Variants in SNX29 observed in about 807,000 individuals in gnomAD.
SNX29 encodes the protein sorting nexin-29.
A neutral mutation model predicts 102.1 loss-of-function variants in SNX29; 78 were observed. That is an observed-to-expected ratio of 0.76 (90% CI 0.64 to 0.92). The LOEUF (loss-of-function observed/expected upper bound fraction) is 0.92. SNX29 is among the 40% of genes least tolerant of loss of function. The pLI is 0.00. For missense variants in SNX29, 1,280 were observed against 1,061.7 expected (o/e 1.21, Z -2.86); for synonymous variants, 580 against 414.5 (o/e 1.40, Z -4.85).
chr16:12,487,433 C>G (rs2088301649), intron 19 of SNX29, among the ~76,000 whole-genome samples: 1 of 152,176 alleles, frequency 6.6e-6, no homozygotes, highest in Admixed American at 6.5e-5. Context: ...TATCAGGCTC[C>G]ATATAAAGTG....
chr16:12,019,975 A>G (rs2151089957), intron 3 of SNX29, among the ~76,000 whole-genome samples: 1 of 152,260 alleles, frequency 6.6e-6, no homozygotes, highest in Non-Finnish European at 1.5e-5. Context: ...ACCATACTTA[A>G]CATACAGTTA....
intron 20 of SNX29, among the ~76,000 whole-genome samples, chr16:12,566,224 G>C (rs138930618): frequency 6.6e-6 from 1 of 152,196 alleles, no homozygotes; most frequent in African/African-American, 2.4e-5. Context: ...GCTTATGGTT[G>C]TCATCCCCAA....
intron 11 of SNX29, among the ~76,000 whole-genome samples, chr16:12,080,121 A>C (rs1443431939): frequency 6.6e-6 from 1 of 152,070 alleles, no homozygotes; most frequent in African/African-American, 2.4e-5. Flanking sequence ...AGCTCCCCCG[A>C]CCTTCACTAG....
In SNX29 at chr16:12,133,316, T is replaced by C. The variant is rs2054542455; in HGVS notation, c.1595+3558T>C. On this transcript the variant is annotated intron_variant, in intron 13 of 20. Coordinates refer to ENST00000566228, the MANE Select transcript of SNX29 (RefSeq NM_032167.5). ...TTTTTTTTTTTTTTTTTTAAGATAG[T>C]ATCTCACTCTGTCACCCAGGCTGGA... is the stretch of plus-strand genomic sequence containing the variant. 1.5e-5 allele frequency among the ~76,000 whole-genome samples: 2 copies of C among 129,216 alleles called. 1 individual carries two copies. Among genetic ancestry groups the C allele is most frequent in the South Asian group, 5.4e-4 (2 of 3,702 alleles). The allele number at this position is 129,216 out of a possible 152,430, so 84.8% of individuals were successfully genotyped here. A position where few individuals can be genotyped will look rare whatever the true frequency, so the allele number is the denominator to read the frequency against.
In SNX29 at chr16:12,568,595, C is replaced by T. The variant is rs777850254; in HGVS notation, c.2408C>T (p.Thr803Ile). The T allele has an allele frequency of 1.8e-5, 29 of 1,606,072 alleles. No individual in the cohort carries two copies. The highest frequency in any genetic ancestry group is 2.4e-5 in the Non-Finnish European group (28 of 1,179,828). ...CTGTCCCGGGGTCAGCCCCGGGAGA[C>T]CCGCAACGTGGAGCCCCAGAGCGGT... Reference protein sequence around the residue: ...PKLSRGQPRETRNVEPQSGDL With the variant: ...PKLSRGQPREIRNVEPQSGDL The change falls in exon 21 of 21, where the codon ACC (threonine) becomes ATC (isoleucine). Residue 803 changes from threonine to isoleucine, a missense_variant. Coordinates refer to ENST00000566228, the MANE Select transcript of SNX29 (RefSeq NM_032167.5).
At chr16:12,502,805 A>G (rs1313751681) in intron 19 of SNX29, among the ~76,000 whole-genome samples, 2 of 152,256 alleles carry the variant, frequency 1.3e-5, no homozygotes, top group East Asian at 1.9e-4. Flanking sequence ...AATCACAGGT[A>G]TTTTCGTATC....
intron 11 of SNX29, among the ~76,000 whole-genome samples, chr16:12,106,389 T>A (rs2053241233): frequency 6.6e-6 from 1 of 152,150 alleles, no homozygotes; most frequent in Non-Finnish European, 1.5e-5. Context: ...ACATTTCAGA[T>A]GTTGCCCTTG....
At chr16:12,387,779 C>G (rs1411544264) in intron 16 of SNX29, among the ~76,000 whole-genome samples, 1 of 152,020 alleles carries the variant, frequency 6.6e-6, no homozygotes, top group Non-Finnish European at 1.5e-5. Context: ...CCTTGGTAGC[C>G]AAAACTAATC....
intron 10 of SNX29, among the ~76,000 whole-genome samples, chr16:12,072,909 T>G (rs1039779041): frequency 1.3e-5 from 2 of 152,136 alleles, no homozygotes; most frequent in Non-Finnish European, 1.5e-5. Context: ...GAGTGTATGT[T>G]TCGAGGAATT....
intron 4 of SNX29, among the ~76,000 whole-genome samples, chr16:12,040,899 C>T (rs1313519527): frequency 2.6e-5 from 4 of 152,148 alleles, no homozygotes; most frequent in South Asian, 2.1e-4. Flanking sequence ...CTGCAACCTC[C>T]GTCTCCTGGG....
At chr16:12,267,463 G>T (rs937126350) in intron 14 of SNX29, among the ~76,000 whole-genome samples, 1 of 152,144 alleles carries the variant, frequency 6.6e-6, no homozygotes, top group African/African-American at 2.4e-5. Flanking sequence ...TTCTCAAGTG[G>T]GATGGTTAAA....
chr16:12,057,312 T>A (rs530498980), intron 8 of SNX29, among the ~76,000 whole-genome samples: 1 of 152,162 alleles, frequency 6.6e-6, no homozygotes, highest in African/African-American at 2.4e-5. Flanking sequence ...GTTGGCGCCC[T>A]GGTGGAAGGG....
At chr16:12,488,347 C>T (rs1008207019) in intron 19 of SNX29, among the ~76,000 whole-genome samples, 1 of 152,032 alleles carries the variant, frequency 6.6e-6, no homozygotes, top group Non-Finnish European at 1.5e-5. Context: ...GAAGTCTTCC[C>T]TGACTTCAAA....
intron 13 of SNX29, among the ~76,000 whole-genome samples, chr16:12,162,521 T>C (rs950220179): frequency 6.6e-6 from 1 of 152,244 alleles, no homozygotes; most frequent in East Asian, 1.9e-4. Context: ...ATTACATAAA[T>C]GAGTGGACAT....
chr16:12,346,670 C>T (rs2081819061), intron 15 of SNX29, among the ~76,000 whole-genome samples: 1 of 152,204 alleles, frequency 6.6e-6, no homozygotes, highest in East Asian at 1.9e-4. Context: ...CACCTTTCAG[C>T]AGAGGGCTGG....
rs781326269 is a variant in SNX29, at chr16:12,032,203, C to CT, written c.247+4776dup. On this transcript the variant is annotated intron_variant, in intron 4 of 20. Transcript: ENST00000566228. ...TCAGAATTTCCTTCTTCTTCTTCTT[C>CT]TTTTTTTTTTTTTTTTTGATGGAGC... 4.3e-3 allele frequency among the ~76,000 whole-genome samples: 535 copies of CT among 124,382 alleles called. 5 individuals carry two copies. The highest frequency in any genetic ancestry group is 0.015 in the African/African-American group (450 of 29,418). The allele number at this position is 124,382 out of a possible 152,430, so 81.6% of individuals were successfully genotyped here. A position where few individuals can be genotyped will look rare whatever the true frequency, so the allele number is the denominator to read the frequency against.
intron 15 of SNX29, among the ~76,000 whole-genome samples, chr16:12,318,381 A>G (rs934997093): frequency 3.9e-5 from 6 of 152,256 alleles, no homozygotes; most frequent in South Asian, 2.1e-4. Flanking sequence ...CGTTTGCCGG[A>G]TGGGAACCAG....
intron 16 of SNX29, among the ~76,000 whole-genome samples, chr16:12,395,109 C>T (rs1010295242): frequency 3.3e-5 from 5 of 152,184 alleles, no homozygotes; most frequent in African/African-American, 1.2e-4. Flanking sequence ...TCTCCCTCTT[C>T]TGTCTTTCCT....
chr16:12,433,651 G>A (rs55856443), intron 18 of SNX29, among the ~76,000 whole-genome samples: 24,868 of 61,334 alleles, frequency 0.41, 2,966 homozygotes, highest in African/African-American at 0.5. Context: ...AAAAAAAAAA[G>A]GAAACTTAGC....
Sources: gnomAD v4.1 joint callset for allele counts (sites outside exome capture counted in the v4.1 genomes callset) on GRCh38, gnomAD v4.1.1 for gene constraint, MANE v1.5 for transcripts, NCBI Gene and HGNC (gene_info 2026-07-23, HGNC 2026-07-21) for gene names.